TMC1: variants seen among roughly 807,000 people sequenced by gnomAD.
TMC1 encodes transmembrane channel-like protein 1.
TMC1 carries 84 observed loss-of-function variants against 105.8 expected under a neutral mutation model. That is an observed-to-expected ratio of 0.79 (90% CI 0.67 to 0.95). The LOEUF (loss-of-function observed/expected upper bound fraction) is 0.95, where lower values mean the gene tolerates loss of function less well. Ranked by LOEUF, TMC1 falls within the 40% of genes least tolerant of loss-of-function variation. TMC1 has a pLI of 0.00. For missense variants in TMC1, 817 were observed against 914.1 expected, an observed-to-expected ratio of 0.89 and a Z score of 1.37; for synonymous variants, 315 against 311.5, an observed-to-expected ratio of 1.01 and a Z score of -0.12.
chr9:72,683,653 A>G lies in TMC1; in HGVS notation c.17-5056A>G, dbSNP rs189248223. The stretch of plus-strand genomic sequence containing the variant: ...TCATAATTTCCTTATGAAATATGAC[A>G]AATTTCACTTTATCTTAAAAGCAAA... On this transcript the variant is annotated intron_variant, in intron 5 of 23. Coordinates refer to ENST00000297784, the MANE Select transcript of TMC1 (RefSeq NM_138691.3). Among the ~76,000 whole-genome samples the G allele has an allele frequency of 1.9e-3, 282 of 147,066 alleles. 1 individual carries two copies. Among genetic ancestry groups the G allele is most frequent in the African/African-American group, 6.4e-3 (259 of 40,438 alleles).
At chr9:72,598,476 G>A (rs779282267) in intron 2 of TMC1, among the ~76,000 whole-genome samples, 1 of 151,976 alleles carries the variant, frequency 6.6e-6, no homozygotes, top group Non-Finnish European at 1.5e-5. Context: ...ATGTTGTGAG[G>A]TGCTGATTGT....
chr9:72,645,646 C>T (rs1468036858), intron 4 of TMC1, among the ~76,000 whole-genome samples: 1 of 152,166 alleles, frequency 6.6e-6, no homozygotes, highest in Middle Eastern at 3.2e-3. Context: ...ACCACAGAGT[C>T]CTTCTCCACC....
At chr9:72,596,388 T>TA (rs1177147371) in intron 2 of TMC1, among the ~76,000 whole-genome samples, 2 of 152,060 alleles carry the variant, frequency 1.3e-5, no homozygotes, top group Non-Finnish European at 2.9e-5. Flanking sequence ...TTTCTACTGT[T>TA]AAATCCATGG....
At chr9:72,550,766 C>T (rs1301111691) in intron 1 of TMC1, among the ~76,000 whole-genome samples, 1 of 151,998 alleles carries the variant, frequency 6.6e-6, no homozygotes, top group Non-Finnish European at 1.5e-5. Flanking sequence ...TCTTCCCTCT[C>T]CCAAGATGTT....
chr9:72,826,846 C>T (rs1272331036), intron 20 of TMC1, 23 bp from the exon 21 acceptor site: 3 of 1,612,936 alleles, frequency 1.9e-6, no homozygotes, highest in African/African-American at 2.7e-5. Flanking sequence ...ATAAACTTAT[C>T]TCCCCCTTTT....
chr9:72,589,863 A>G (rs2132104915), intron 2 of TMC1, among the ~76,000 whole-genome samples: 1 of 152,344 alleles, frequency 6.6e-6, no homozygotes, highest in South Asian at 2.1e-4. Flanking sequence ...AAGTGACCTC[A>G]GGGCATTACA....
intron 18 of TMC1, among the ~76,000 whole-genome samples, chr9:72,815,845 A>G (rs997886359): frequency 6.6e-6 from 1 of 152,142 alleles, no homozygotes; most frequent in Non-Finnish European, 1.5e-5. Flanking sequence ...GTACTGTCAA[A>G]TTGTTTTTCT....
intron 5 of TMC1, chr9:72,655,945 T>G: frequency 2.5e-6 from 2 of 803,212 alleles, no homozygotes; most frequent in Non-Finnish European, 4.4e-6. Context: ...TTGTGGATTC[T>G]CATCTGGAAA....
intron 17 of TMC1, among the ~76,000 whole-genome samples, chr9:72,795,230 C>T (rs1407067973): frequency 1.3e-5 from 2 of 152,102 alleles, no homozygotes; most frequent in East Asian, 3.9e-4. Context: ...TGAAAACTTC[C>T]CCAACCTTAC....
At chr9:72,828,926 C>T (rs548111317) in intron 21 of TMC1, among the ~76,000 whole-genome samples, 5 of 152,148 alleles carry the variant, frequency 3.3e-5, no homozygotes, top group African/African-American at 4.8e-5. Flanking sequence ...TAATAATAAC[C>T]GTTTAAAAGA....
chr9:72,800,066 T>A (rs1828444530), intron 17 of TMC1, among the ~76,000 whole-genome samples: 1 of 152,184 alleles, frequency 6.6e-6, no homozygotes. Flanking sequence ...GTCTGCACTT[T>A]GAATTTAGAC....
At chr9:72,611,597 A>C (rs1825025456) in intron 2 of TMC1, among the ~76,000 whole-genome samples, 1 of 152,278 alleles carries the variant, frequency 6.6e-6, no homozygotes, top group Non-Finnish European at 1.5e-5. Flanking sequence ...AGGGGGCAGG[A>C]GGAATGGGGA....
chr9:72,646,158 A>G (rs965993996), intron 4 of TMC1, among the ~76,000 whole-genome samples: 1 of 152,190 alleles, frequency 6.6e-6, no homozygotes, highest in Admixed American at 6.5e-5. Context: ...CATAATTTAC[A>G]TATCAATGTA....
At chr9:72,552,356 G>A (rs1278529023) in intron 1 of TMC1, among the ~76,000 whole-genome samples, 1 of 152,134 alleles carries the variant, frequency 6.6e-6, no homozygotes, top group African/African-American at 2.4e-5. Context: ...AAGCTGTGAA[G>A]GAATCCCCCC....
rs75243121 is a variant in TMC1, at chr9:72,769,072, G to A, written c.742-3341G>A. Among the ~76,000 whole-genome samples, 246 of 152,306 alleles carry A rather than the reference G, an allele frequency of 1.6e-3. 2 individuals carry two copies. Among genetic ancestry groups the A allele is most frequent in the African/African-American group, 5.8e-3 (240 of 41,568 alleles). ...ACTCTTGCTGGATAAAGAAAGCACA[G>A]GAGAAGCAGTATAGTGCAGTGGTTA... On this transcript the variant is annotated intron_variant, in intron 12 of 23. Transcript: ENST00000297784.
chr9:72,615,993 C>CCCTCA (rs976422441), intron 2 of TMC1, among the ~76,000 whole-genome samples: 10 of 152,112 alleles, frequency 6.6e-5, no homozygotes. Context: ...GGTGATTCCT[C>CCCTCA]GGCCCTAGCC....
Position 72,774,602 on chromosome 9 carries a change from C to A in TMC1, c.884+2047C>A, listed in dbSNP as rs188962344. Among the ~76,000 whole-genome samples the A allele has an allele frequency of 3.6e-3, 541 of 152,216 alleles. 3 individuals carry two copies. The highest frequency in any genetic ancestry group is 6.3e-3 in the Non-Finnish European group (430 of 68,002). ...CAGGGCATCAAATCCACATTTTCCC[C>A]CTCAAAGTCATTCATGTTATATCAT... On this transcript the variant is annotated intron_variant, in intron 13 of 23. Coordinates refer to ENST00000297784, the MANE Select transcript of TMC1 (RefSeq NM_138691.3).
chr9:72,742,565 A>G, intron 10 of TMC1, 40 bp downstream of exon 10: 1 of 1,533,208 alleles, frequency 6.5e-7, no homozygotes, highest in Non-Finnish European at 9.0e-7. Context: ...AGGTTGTCTT[A>G]GAGAAGTATC....
intron 3 of TMC1, 103 bp from the exon 4 acceptor site, chr9:72,627,818 A>G (rs1036190754): frequency 5.8e-6 from 2 of 344,374 alleles, no homozygotes; most frequent in Non-Finnish European, 1.1e-5. Context: ...ACCATCATAG[A>G]ATATATTGTA....
Sources: allele counts gnomAD v4.1 joint callset (sites outside exome capture counted in the v4.1 genomes callset), GRCh38; gene constraint gnomAD v4.1.1; transcripts MANE v1.5; gene names NCBI Gene and HGNC (gene_info 2026-07-23, HGNC 2026-07-21).